The following GALNT5 variants were observed in gnomAD, a reference collection of about 807,000 sequenced individuals.
GALNT5 encodes UDP-GalNAc:polypeptide N-acetylgalactosaminyltransferase 5.
Under a neutral mutation model 85.4 loss-of-function variants are expected in GALNT5, and 72 were observed. That is an observed-to-expected ratio of 0.84 (90% CI 0.70 to 1.03). The LOEUF (loss-of-function observed/expected upper bound fraction) is 1.03, where lower values mean the gene tolerates loss of function less well. Among genes scored for constraint, GALNT5 ranks in the 50% least tolerant of loss-of-function variants. The pLI is 0.00. For synonymous variants in GALNT5, 404 were observed against 397.0 expected, an observed-to-expected ratio of 1.02 and a Z score of -0.21; for missense variants, 1,137 against 1,135.5, an observed-to-expected ratio of 1.00 and a Z score of -0.02.
At chr2:157,294,606 G>C (rs1249776482) in intron 3 of GALNT5, among the ~76,000 whole-genome samples, 2 of 152,140 alleles carry the variant, frequency 1.3e-5, no homozygotes, top group African/African-American at 4.8e-5. Context: ...TCCCTTTAGA[G>C]ACTTCAACAC....
At chr2:157,301,550 C>G (rs1683343245) in intron 7 of GALNT5, 1 of 155,750 alleles carries the variant, frequency 6.4e-6, no homozygotes, top group African/African-American at 2.4e-5. Flanking sequence ...TGTTCTCCAT[C>G]CAAGCACTGG....
chr2:157,306,001 G>A (rs1437648141), intron 8 of GALNT5, among the ~76,000 whole-genome samples, 172 bp downstream of exon 8: 1 of 152,166 alleles, frequency 6.6e-6, no homozygotes, highest in African/African-American at 2.4e-5. Flanking sequence ...GAATAAAGGT[G>A]TGGGTCCTGC....
At position 157,296,962 on chromosome 2, in the gene GALNT5, G is replaced by A. The variant is rs533909836; in HGVS notation, c.1997+449G>A. Among the ~76,000 whole-genome samples, 19 of 152,292 alleles carry A rather than the reference G, an allele frequency of 1.2e-4. No individual in the cohort carries two copies. The South Asian group carries it at 3.3e-3, about 27-fold the overall frequency. ...CCATGAGAAAAGTGCCAAATTCTAT[G>A]AATAAATTTAAAAATTGATTCAGAA... On this transcript the variant is annotated intron_variant, in intron 5 of 9. Coordinates refer to ENST00000259056, the MANE Select transcript of GALNT5 (RefSeq NM_014568.3).
In GALNT5 at chr2:157,286,228, A is replaced by T. The variant is rs1682968150; in HGVS notation, c.1741+94A>T. ...GCAAATGTGAAAGACCAGCACAATG[A>T]TGCCTATATATGCATCACTTAGTTC... On this transcript the variant is annotated intron_variant, in intron 3 of 9. Transcript: ENST00000259056. The T allele has an allele frequency of 5.5e-6, 5 of 910,716 alleles. No individual in the cohort carries two copies. In the Admixed American group the frequency reaches 9.1e-5, roughly 17 times the overall value. The allele number at this position is 910,716 out of a possible 1,614,324, so 56.4% of individuals were successfully genotyped here. A position where few individuals can be genotyped will look rare whatever the true frequency, so the allele number is the denominator to read the frequency against.
chr2:157,267,388 T>A (rs1380317548), intron 1 of GALNT5, among the ~76,000 whole-genome samples: 1 of 152,198 alleles, frequency 6.6e-6, no homozygotes, highest in Non-Finnish European at 1.5e-5. Flanking sequence ...TTGCCTTTTC[T>A]CAGGGGACTT....
In GALNT5 at chr2:157,315,095, A is replaced by T. The variant is rs140105511; in HGVS notation, c.*3747A>T. 1.4e-4 allele frequency among the ~76,000 whole-genome samples: 21 copies of T among 151,770 alleles called. No individual in the cohort carries two copies. Among genetic ancestry groups the T allele is most frequent in the African/African-American group, 4.1e-4 (17 of 41,144 alleles). The stretch of plus-strand genomic sequence containing the variant: ...TCTATCTCAAAAAATAATAATAATA[A>T]TTTTTACCTCAGAAGAAAGCCCCAA... On this transcript the variant is annotated 3_prime_UTR_variant, in exon 10 of 10. Transcript: ENST00000259056.
chr2:157,309,252 G>A (rs1683519723), intron 9 of GALNT5, among the ~76,000 whole-genome samples: 1 of 152,182 alleles, frequency 6.6e-6, no homozygotes, highest in Non-Finnish European at 1.5e-5. Context: ...GGAGCCACTT[G>A]TGCACACCCT....
At position 157,315,009 on chromosome 2, in the gene GALNT5, T is replaced by C. The variant is rs571389662; in HGVS notation, c.*3661T>C. ...AGGAGAATTGCTTGTACCCGGGAGG[T>C]GGAGGTTGCAGTGAGCTGAAATTGC... On this transcript the variant is annotated 3_prime_UTR_variant, in exon 10 of 10. Coordinates refer to ENST00000259056, the MANE Select transcript of GALNT5 (RefSeq NM_014568.3). Among the ~76,000 whole-genome samples, 32 of 151,982 alleles carry C rather than the reference T, an allele frequency of 2.1e-4. 1 individual carries two copies. The South Asian group carries it at 6.5e-3, about 31-fold the overall frequency.
rs757305711 is a variant in GALNT5 at position 157,284,369 on chromosome 2, A to T, written c.1542A>T (p.Arg514Ser). The T allele has an allele frequency of 1.9e-6, 3 of 1,613,746 alleles. No individual in the cohort carries two copies. Among genetic ancestry groups the T allele is most frequent in the East Asian group, 2.2e-5 (1 of 44,878 alleles). The change falls in exon 2 of 10, where the codon AGA (arginine) becomes AGT (serine). Residue 514 changes from arginine (R) to serine (S), a missense_variant. Transcript: ENST00000259056. Reference sequence around the variant, plus strand: ...ATGAAGTGTGGTCCACTCTCCTGAGATCTGTTCACAGTGTCATCAATCGCT... The same window carrying T: ...ATGAAGTGTGGTCCACTCTCCTGAGTTCTGTTCACAGTGTCATCAATCGCT... ...FVDEVWSTLL[R>S]SVHSVINRSP... is the part of the protein sequence containing the mutation.
chr2:157,271,351 T>C (rs1361490797), intron 1 of GALNT5, among the ~76,000 whole-genome samples: 1 of 152,158 alleles, frequency 6.6e-6, no homozygotes, highest in African/African-American at 2.4e-5. Context: ...TCCTATACAC[T>C]AAAGAATTTG....
chr2:157,294,118 A>T (rs1020357257), intron 3 of GALNT5, among the ~76,000 whole-genome samples: 1 of 152,220 alleles, frequency 6.6e-6, no homozygotes, highest in Non-Finnish European at 1.5e-5. Flanking sequence ...CAGGTATGTC[A>T]AGAGCTGAGC....
In GALNT5 at chr2:157,315,555, T is replaced by G. The variant is rs1683681978; in HGVS notation, c.*4207T>G. ...CCTTTGGCCTCTTTTGGATGTTGTA[T>G]AAACAGAAAAAAGAAGCATGGTCTC... On this transcript the variant is annotated 3_prime_UTR_variant, in exon 10 of 10. Coordinates refer to ENST00000259056, the MANE Select transcript of GALNT5 (RefSeq NM_014568.3). 6.6e-6 allele frequency among the ~76,000 whole-genome samples: 1 copy of G among 152,156 alleles called. No homozygotes were observed. The highest frequency in any genetic ancestry group is 2.1e-4 in the South Asian group (1 of 4,828).
chr2:157,299,530 A>C lies in GALNT5; in HGVS notation c.1998-18A>C, dbSNP rs1574031715. 2.7e-6 allele frequency: 4 copies of C among 1,492,886 alleles called. No individual in the cohort carries two copies. Among genetic ancestry groups the C allele is most frequent in the Non-Finnish European group, 3.7e-6 (4 of 1,073,202 alleles). 92.5% of individuals were successfully genotyped at this position (1,492,886 alleles called of 1,614,324 possible). ...TTCATGAGATGCAAGTTTAAAAAACAAACTTTTCTTTTTGTAGGTGCCCTG... is the reference window on the plus strand; with the variant it reads ...TTCATGAGATGCAAGTTTAAAAAACCAACTTTTCTTTTTGTAGGTGCCCTG... On this transcript the variant is annotated intron_variant, in intron 5 of 9. Coordinates refer to ENST00000259056, the MANE Select transcript of GALNT5 (RefSeq NM_014568.3).
chr2:157,268,792 C>A (rs953990166), intron 1 of GALNT5, among the ~76,000 whole-genome samples: 1 of 151,580 alleles, frequency 6.6e-6, no homozygotes, highest in Non-Finnish European at 1.5e-5. Context: ...AGATTCCCCC[C>A]CAAGACAAAG....
intron 8 of GALNT5, among the ~76,000 whole-genome samples, chr2:157,306,431 G>C (rs1574035963): frequency 6.6e-6 from 1 of 152,284 alleles, no homozygotes; most frequent in East Asian, 1.9e-4. Flanking sequence ...CCCAAACTCA[G>C]AGCGCAATGG....
chr2:157,262,282 T>C (rs968592629), intron 1 of GALNT5, among the ~76,000 whole-genome samples: 1 of 150,378 alleles, frequency 6.6e-6, no homozygotes, highest in African/African-American at 2.4e-5. Flanking sequence ...AGATAATAAC[T>C]AGTCGGTAGT....
At chr2:157,299,516 C>A (rs747192519) in intron 5 of GALNT5, 32 bp from the exon 6 acceptor site, 1 of 1,292,378 alleles carries the variant, frequency 7.7e-7, no homozygotes. Flanking sequence ...TCATGAGATG[C>A]AAGTTTAAAA....
intron 8 of GALNT5, among the ~76,000 whole-genome samples, chr2:157,307,396 A>G (rs964629804): frequency 5.9e-5 from 9 of 152,196 alleles, no homozygotes; most frequent in African/African-American, 2.2e-4. Flanking sequence ...TTACCTAAAA[A>G]GTTTCCTTAG....
intron 1 of GALNT5, among the ~76,000 whole-genome samples, chr2:157,279,529 C>T (rs977516024): frequency 3.3e-5 from 5 of 152,220 alleles, no homozygotes; most frequent in African/African-American, 7.2e-5. Context: ...CAATGGTGGA[C>T]GTCCCTCCCC....
Sources: allele counts gnomAD v4.1 joint callset (sites outside exome capture counted in the v4.1 genomes callset), GRCh38; gene constraint gnomAD v4.1.1; transcripts MANE v1.5; gene names NCBI Gene and HGNC (gene_info 2026-07-23, HGNC 2026-07-21).